Variants in RALGPS2 observed in about 807,000 individuals in gnomAD.
RALGPS2 encodes Ral GEF with PH domain and SH3 binding motif 2.
A neutral mutation model predicts 86.8 loss-of-function variants in RALGPS2; 43 were observed. The observed-to-expected ratio is 0.50, with a 90% confidence interval of 0.39 to 0.64. The LOEUF (loss-of-function observed/expected upper bound fraction) is 0.64, where lower values mean the gene tolerates loss of function less well. Among genes scored for constraint, RALGPS2 ranks in the 30% least tolerant of loss-of-function variants. The pLI, the probability that RALGPS2 is intolerant of heterozygous loss-of-function variation, is 0.00. For synonymous variants in RALGPS2, 243 were observed against 231.3 expected (o/e 1.05, Z -0.46); for missense variants, 536 against 694.6 (o/e 0.77, Z 2.57).
intron 12 of RALGPS2, chr1:178,885,584 T>G (rs985574548): frequency 6.9e-5 from 13 of 189,726 alleles, no homozygotes; most frequent in Non-Finnish European, 1.2e-4. Flanking sequence ...ATTATTTTCT[T>G]TATTCCTAAA....
intron 8 of RALGPS2, among the ~76,000 whole-genome samples, chr1:178,863,117 T>C (rs1658147945): frequency 6.6e-6 from 1 of 152,202 alleles, no homozygotes; most frequent in Non-Finnish European, 1.5e-5. Flanking sequence ...CTATGGAGTC[T>C]CTGTCTTCTA....
chr1:178,819,890 C>T lies in RALGPS2; in HGVS notation c.388-1722C>T, dbSNP rs551628855. On this transcript the variant is annotated intron_variant, in intron 6 of 19. Transcript: ENST00000367635. ...AACTGATTCCCTTCCTGTATGCCAC[C>T]TTCTGCTCCCTGATCTTTCCAAAAT... Among the ~76,000 whole-genome samples the T allele has an allele frequency of 4.6e-5, 7 of 152,248 alleles. No homozygotes were observed. The South Asian group carries it at 1.5e-3, about 32-fold the overall frequency.
At chr1:178,735,598 ATTCTT>A (rs1650641163) in intron 1 of RALGPS2, among the ~76,000 whole-genome samples, 2 of 57,476 alleles carry the variant, frequency 3.5e-5, no homozygotes, top group Non-Finnish European at 3.5e-5. Context: ...TAATTTTTGT[ATTCTT>A]TTTTTTTTTT....
intron 8 of RALGPS2, chr1:178,853,216 A>T (rs1358627901): frequency 1.0e-6 from 1 of 985,176 alleles, no homozygotes. Flanking sequence ...GCAAATGAGA[A>T]TAAAATTTAT....
At chr1:178,759,518 A>G (rs1465561863) in intron 1 of RALGPS2, among the ~76,000 whole-genome samples, 1 of 140,426 alleles carries the variant, frequency 7.1e-6, no homozygotes, top group South Asian at 2.2e-4. Flanking sequence ...AGGATTCCTC[A>G]GTTTTGTTCT....
intron 11 of RALGPS2, among the ~76,000 whole-genome samples, chr1:178,884,810 T>A (rs1199401397): frequency 6.6e-6 from 1 of 152,220 alleles, no homozygotes; most frequent in African/African-American, 2.4e-5. Flanking sequence ...ATGTGAAAGC[T>A]AGTCTCTTCT....
At chr1:178,880,295 T>C (rs1262988502) in intron 10 of RALGPS2, among the ~76,000 whole-genome samples, 1 of 152,196 alleles carries the variant, frequency 6.6e-6, no homozygotes, top group Non-Finnish European at 1.5e-5. Context: ...AGTAAATGGC[T>C]ATAGAAATTC....
rs1660665322 is a variant in RALGPS2 at position 178,912,535 on chromosome 1, G to A, written c.1723-3795G>A. 2.0e-5 allele frequency among the ~76,000 whole-genome samples: 3 copies of A among 152,090 alleles called. No homozygotes were observed. In the South Asian group the frequency reaches 6.2e-4, roughly 32 times the overall value. Reference sequence around the variant, plus strand: ...GCCCCCAGCCTCTTCTGGCTTGTTAGGCTTCTACTGAAAGGTCCACTGTTA... The same window carrying A: ...GCCCCCAGCCTCTTCTGGCTTGTTAAGCTTCTACTGAAAGGTCCACTGTTA... On this transcript the variant is annotated intron_variant, in intron 19 of 19. Transcript: ENST00000367635.
intron 2 of RALGPS2, among the ~76,000 whole-genome samples, 192 bp from the exon 3 acceptor site, chr1:178,784,226 C>T (rs1293123461): frequency 6.6e-6 from 1 of 152,058 alleles, no homozygotes; most frequent in African/African-American, 2.4e-5. Context: ...AATTTAAAGT[C>T]ACAGTTTTAG....
intron 1 of RALGPS2, among the ~76,000 whole-genome samples, chr1:178,741,047 G>A (rs1650994007): frequency 6.6e-6 from 1 of 152,160 alleles, no homozygotes; most frequent in South Asian, 2.1e-4. Context: ...GATATTTGAG[G>A]TAATTTGATT....
chr1:178,883,793 G>A (rs1323554252), intron 11 of RALGPS2, among the ~76,000 whole-genome samples: 5 of 152,054 alleles, frequency 3.3e-5, no homozygotes, highest in Admixed American at 2.0e-4. Context: ...AGACCATCCT[G>A]GCTAACACAG....
At chr1:178,819,502 C>T (rs1572364656) in intron 6 of RALGPS2, among the ~76,000 whole-genome samples, 1 of 152,096 alleles carries the variant, frequency 6.6e-6, no homozygotes, top group Admixed American at 6.6e-5. Context: ...TTATTGGAAC[C>T]CCCACCATAG....
intron 1 of RALGPS2, among the ~76,000 whole-genome samples, chr1:178,765,685 A>G (rs770297113): frequency 5.7e-4 from 86 of 152,104 alleles, no homozygotes; most frequent in Admixed American, 1.7e-3. Flanking sequence ...TATGGGAGAC[A>G]GGGGCTTATT....
chr1:178,910,196 A>G (rs554479324), intron 19 of RALGPS2, among the ~76,000 whole-genome samples: 1 of 152,262 alleles, frequency 6.6e-6, no homozygotes, highest in African/African-American at 2.4e-5. Context: ...ATAACATCAT[A>G]TAGTCTGAAG....
At chr1:178,893,752 G>T in intron 15 of RALGPS2, 167 bp from the exon 16 acceptor site, 1 of 504,382 alleles carries the variant, frequency 2.0e-6, no homozygotes, top group Non-Finnish European at 3.4e-6. Flanking sequence ...TTTTTGTACA[G>T]CTTATAAATT....
intron 8 of RALGPS2, among the ~76,000 whole-genome samples, chr1:178,872,064 G>A (rs1328979775): frequency 1.3e-5 from 2 of 152,182 alleles, no homozygotes; most frequent in African/African-American, 4.8e-5. Flanking sequence ...TGAATCTAAT[G>A]CCAAAGCATT....
intron 18 of RALGPS2, 89 bp from the exon 19 acceptor site, chr1:178,906,687 A>G: frequency 1.0e-6 from 1 of 971,198 alleles, no homozygotes; most frequent in Non-Finnish European, 1.6e-6. Context: ...AACTCTAGTC[A>G]TGTTTAATTT....
intron 1 of RALGPS2, among the ~76,000 whole-genome samples, chr1:178,758,485 T>C (rs1469482079): frequency 6.6e-6 from 1 of 152,094 alleles, no homozygotes; most frequent in Admixed American, 6.6e-5. Flanking sequence ...AAATACTAGG[T>C]CTTATTCTTT....
intron 8 of RALGPS2, among the ~76,000 whole-genome samples, chr1:178,854,717 C>G (rs753082939): frequency 1.3e-5 from 2 of 152,168 alleles, no homozygotes; most frequent in Non-Finnish European, 2.9e-5. Flanking sequence ...AAATCCTTGT[C>G]TAATCCCAGA....
Sources: gnomAD v4.1 joint callset for allele counts (sites outside exome capture counted in the v4.1 genomes callset) on GRCh38, gnomAD v4.1.1 for gene constraint, MANE v1.5 for transcripts, NCBI Gene and HGNC (gene_info 2026-07-23, HGNC 2026-07-21) for gene names.